GASK1A: variants seen among roughly 807,000 people sequenced by gnomAD.
The protein encoded by GASK1A is Golgi-associated kinase 1A.
A neutral mutation model predicts 41.2 loss-of-function variants in GASK1A; 40 were observed. That is an observed-to-expected ratio of 0.97 (90% CI 0.75 to 1.27). The LOEUF (loss-of-function observed/expected upper bound fraction) is 1.27, where lower values mean the gene tolerates loss of function less well. GASK1A is among the 50% of genes most tolerant of loss of function. The pLI is 0.00. For synonymous variants in GASK1A, 316 were observed against 307.1 expected (o/e 1.03, Z -0.30); for missense variants, 678 against 745.1 (o/e 0.91, Z 1.05).
Position 43,033,126 on chromosome 3 carries a change from A to G in GASK1A, c.863A>G (p.Gln288Arg). 14 of 1,550,964 alleles carry G rather than the reference A, an allele frequency of 9.0e-6. No individual in the cohort carries two copies. The highest frequency in any genetic ancestry group is 1.2e-5 in the Non-Finnish European group (14 of 1,146,482). ...VDKARVPAHG[Q>R]VLQVGFSTEA... ...AAAGCCAGGGTCCCCGCCCATGGGCAGGTGCTACAGGTTGGCTTCTCCACT... is the reference window on the plus strand; with the variant it reads ...AAAGCCAGGGTCCCCGCCCATGGGCGGGTGCTACAGGTTGGCTTCTCCACT... The change falls in exon 2 of 5, where the codon CAG (glutamine) becomes CGG (arginine). Residue 288 changes from glutamine (Q) to arginine (R), a missense_variant. Physicochemically the swap from Gln to Arg is conservative, Grantham distance 43. Transcript: ENST00000430121.
intron 1 of GASK1A, among the ~76,000 whole-genome samples, chr3:42,980,819 G>A (rs2125670883): frequency 6.6e-6 from 1 of 152,268 alleles, no homozygotes; most frequent in African/African-American, 2.4e-5. Flanking sequence ...GGAATCTTAA[G>A]CTTCAAAAGG....
At chr3:43,031,294 A>G (rs2089574652) in intron 1 of GASK1A, among the ~76,000 whole-genome samples, 1 of 152,122 alleles carries the variant, frequency 6.6e-6, no homozygotes, top group Non-Finnish European at 1.5e-5. Context: ...TGCTCCAGAC[A>G]CTGCGTTCCT....
intron 1 of GASK1A, among the ~76,000 whole-genome samples, chr3:43,010,103 T>TG (rs2089456091): frequency 6.6e-6 from 1 of 152,216 alleles, no homozygotes; most frequent in South Asian, 2.1e-4. Context: ...ATTCCCACAC[T>TG]GGTTCCCTGA....
At chr3:43,017,746 CAG>C (rs1559401685) in intron 1 of GASK1A, among the ~76,000 whole-genome samples, 1 of 150,784 alleles carries the variant, frequency 6.6e-6, no homozygotes, top group Non-Finnish European at 1.5e-5. Context: ...CGTGAAGCCA[CAG>C]GGGGCCGTCT....
Position 43,032,302 on chromosome 3 carries a change from G to A in GASK1A, c.39G>A (p.Arg13=). Residue 13 remains arginine, a synonymous_variant, in exon 2 of 5, where the codon AGG becomes AGA. Transcript: ENST00000430121. ...TCCGGAGAAAGCTGCGTGGCAAGAG[G>A]CGGCCAGTGATAGCGTTCTGCCTCT... ...SWLRRKLRGK[R]RPVIAFCLLM... 1.0e-5 allele frequency: 16 copies of A among 1,538,076 alleles called. No homozygotes were observed. The highest frequency in any genetic ancestry group is 1.3e-5 in the Non-Finnish European group (15 of 1,136,674).
At chr3:43,003,939 T>C (rs768195431) in intron 1 of GASK1A, among the ~76,000 whole-genome samples, 69 of 152,254 alleles carry the variant, frequency 4.5e-4, no homozygotes, top group Non-Finnish European at 7.9e-4. Flanking sequence ...TGAATCCCAC[T>C]ACTGTATCAG....
chr3:43,041,252 G>C (rs1047313255), intron 2 of GASK1A, among the ~76,000 whole-genome samples: 2 of 151,876 alleles, frequency 1.3e-5, no homozygotes, highest in Admixed American at 1.3e-4. Context: ...TAATGGGATG[G>C]CTGGGTCAAA....
At chr3:42,987,717 G>A (rs1014489478) in intron 1 of GASK1A, among the ~76,000 whole-genome samples, 1 of 152,036 alleles carries the variant, frequency 6.6e-6, no homozygotes, top group Admixed American at 6.5e-5. Flanking sequence ...GATAGAGAGA[G>A]GCTGGGTGTG....
chr3:43,005,391 G>C (rs528378610), intron 1 of GASK1A, among the ~76,000 whole-genome samples: 42 of 152,302 alleles, frequency 2.8e-4, no homozygotes, highest in Admixed American at 8.5e-4. Context: ...GTTTTCATTT[G>C]TGTGTTGTAC....
intron 2 of GASK1A, among the ~76,000 whole-genome samples, chr3:43,036,337 G>A (rs779366121): frequency 3.3e-5 from 5 of 152,196 alleles, no homozygotes; most frequent in African/African-American, 7.2e-5. Flanking sequence ...GCTGTAGAAC[G>A]TGGGTTTTCC....
intron 1 of GASK1A, among the ~76,000 whole-genome samples, chr3:43,023,170 A>G (rs982290557): frequency 6.6e-6 from 1 of 152,210 alleles, no homozygotes; most frequent in Admixed American, 6.5e-5. Flanking sequence ...CATCTAAGTA[A>G]GAGGCAGAGG....
intron 2 of GASK1A, among the ~76,000 whole-genome samples, chr3:43,043,492 C>A (rs1484147809): frequency 6.6e-6 from 1 of 152,174 alleles, no homozygotes; most frequent in African/African-American, 2.4e-5. Flanking sequence ...GTTCTTGCAT[C>A]CAAAAACCTT....
intron 2 of GASK1A, among the ~76,000 whole-genome samples, chr3:43,040,086 G>T (rs1043192158): frequency 6.6e-6 from 1 of 152,068 alleles, no homozygotes; most frequent in Non-Finnish European, 1.5e-5. Flanking sequence ...TATTTTAAAA[G>T]GCTATTCTCA....
At chr3:43,013,711 G>C (rs1420443903) in intron 1 of GASK1A, among the ~76,000 whole-genome samples, 1 of 152,098 alleles carries the variant, frequency 6.6e-6, no homozygotes, top group African/African-American at 2.4e-5. Flanking sequence ...GGGGCTGTGG[G>C]AAGTCACAGG....
chr3:43,056,131 G>C (rs1253880330), intron 4 of GASK1A, 45 bp from the exon 5 acceptor site: 1 of 1,436,170 alleles, frequency 7.0e-7, no homozygotes, highest in Admixed American at 2.1e-5. Context: ...TGAGATTACT[G>C]TTGCTTTTTC....
chr3:43,053,353 GA>G (rs1320820563), intron 2 of GASK1A, among the ~76,000 whole-genome samples, 167 bp from the exon 3 acceptor site: 1 of 152,218 alleles, frequency 6.6e-6, no homozygotes, highest in Non-Finnish European at 1.5e-5. Context: ...GCCAGAGGAG[GA>G]AAGCGGAAGC....
intron 1 of GASK1A, among the ~76,000 whole-genome samples, chr3:43,012,827 CCACAGGAAGGGGCAGTGTGAAGT>C (rs2089470285): frequency 6.7e-6 from 1 of 149,248 alleles, no homozygotes; most frequent in African/African-American, 2.5e-5. Context: ...CTGTGTGTAG[CCACAGGAAGGGGCAGTGTGAAGT>C]CACAGGAAGG....
At chr3:43,008,246 A>G (rs946070132) in intron 1 of GASK1A, among the ~76,000 whole-genome samples, 8 of 152,216 alleles carry the variant, frequency 5.3e-5, no homozygotes, top group Non-Finnish European at 8.8e-5. Context: ...GAACTGTCTT[A>G]TCAGGTACCT....
intron 2 of GASK1A, among the ~76,000 whole-genome samples, chr3:43,048,534 G>A (rs1004347000): frequency 2.0e-5 from 3 of 152,200 alleles, no homozygotes; most frequent in Admixed American, 1.3e-4. Context: ...GAAGGGTACA[G>A]TAAAGAGCAG....
Sources: gnomAD v4.1 joint callset for allele counts (sites outside exome capture counted in the v4.1 genomes callset) on GRCh38, gnomAD v4.1.1 for gene constraint, MANE v1.5 for transcripts, NCBI Gene and HGNC (gene_info 2026-07-23, HGNC 2026-07-21) for gene names.